Variants in SAMTOR observed in about 807,000 individuals in gnomAD.
SAMTOR encodes the protein S-adenosylmethionine sensor upstream of mTORC1.
the SAMTOR span, among the ~76,000 whole-genome samples, chr7:112,936,818 C>T: frequency 1.5e-4 from 23 of 152,128 alleles, no homozygotes; most frequent in Admixed American, 1.5e-3. Context: ...CTAATCATAC[C>T]TATCCTATGG....
chr7:112,901,813 A>C, the SAMTOR span, among the ~76,000 whole-genome samples: 1 of 152,254 alleles, frequency 6.6e-6, no homozygotes, highest in East Asian at 1.9e-4. Flanking sequence ...ATGCTTATCA[A>C]GTGCTGATGA....
chr7:112,829,331 A>G, the SAMTOR span, among the ~76,000 whole-genome samples: 1 of 152,208 alleles, frequency 6.6e-6, no homozygotes, highest in South Asian at 2.1e-4. Context: ...ATATCTTCCT[A>G]TTTCTACTTA....
chr7:112,842,863 A>G, the SAMTOR span, among the ~76,000 whole-genome samples: 1 of 152,048 alleles, frequency 6.6e-6, no homozygotes, highest in Non-Finnish European at 1.5e-5. Flanking sequence ...TAACTGATAC[A>G]CTTTACTTCC....
the SAMTOR span, among the ~76,000 whole-genome samples, chr7:112,911,284 A>G: frequency 6.6e-6 from 1 of 152,196 alleles, no homozygotes; most frequent in Non-Finnish European, 1.5e-5. Context: ...TATGTCCTGC[A>G]AGAGAGTTGC....
chr7:112,896,231 GTA>G, the SAMTOR span, among the ~76,000 whole-genome samples: 1 of 151,884 alleles, frequency 6.6e-6, no homozygotes, highest in Non-Finnish European at 1.5e-5. Context: ...GTATGTATGT[GTA>G]TATATATGTG....
the SAMTOR span, among the ~76,000 whole-genome samples, chr7:112,823,230 T>A: frequency 6.6e-6 from 1 of 152,198 alleles, no homozygotes; most frequent in Non-Finnish European, 1.5e-5. Flanking sequence ...AAGATGCTTT[T>A]CTTCTTCCCT....
At chr7:112,931,305 CA>C in the SAMTOR span, among the ~76,000 whole-genome samples, 77 of 139,856 alleles carry the variant, frequency 5.5e-4, no homozygotes, top group Admixed American at 5.0e-4. Context: ...ATTTAATTAA[CA>C]AAAAAAAAAA....
At chr7:112,917,993 G>C in the SAMTOR span, among the ~76,000 whole-genome samples, 1 of 152,190 alleles carries the variant, frequency 6.6e-6, no homozygotes, top group African/African-American at 2.4e-5. Flanking sequence ...GAAAGTGATG[G>C]GGAGAATGGA....
the SAMTOR span, among the ~76,000 whole-genome samples, chr7:112,927,958 A>G: frequency 6.6e-6 from 1 of 152,054 alleles, no homozygotes; most frequent in East Asian, 1.9e-4. Context: ...AGATAATACC[A>G]TAACTATTGC....
chr7:112,895,199 TTACATTG>T, the SAMTOR span, among the ~76,000 whole-genome samples: 1 of 151,408 alleles, frequency 6.6e-6, no homozygotes, highest in Admixed American at 6.6e-5. Flanking sequence ...TAATTACATA[TTACATTG>T]TACATTATAA....
At chr7:112,939,474 G>A in the SAMTOR span, 6 of 1,478,604 alleles carry the variant, frequency 4.1e-6, no homozygotes, top group Non-Finnish European at 5.5e-6. Flanking sequence ...GCAGCGGCTG[G>A]GGGGACGTGC....
the SAMTOR span, among the ~76,000 whole-genome samples, chr7:112,826,174 G>T: frequency 2.6e-5 from 4 of 152,100 alleles, no homozygotes; most frequent in Non-Finnish European, 1.5e-5. Context: ...CAGAGTAATG[G>T]CCTCATAGAA....
chr7:112,908,615 A>C, the SAMTOR span, among the ~76,000 whole-genome samples: 3 of 152,238 alleles, frequency 2.0e-5, no homozygotes, highest in East Asian at 5.8e-4. Flanking sequence ...AAAGGTACAG[A>C]GTATATAACA....
the SAMTOR span, among the ~76,000 whole-genome samples, chr7:112,910,543 C>T: frequency 2.6e-5 from 4 of 152,086 alleles, no homozygotes; most frequent in South Asian, 2.1e-4. Context: ...TATCACTGTA[C>T]ATATTACTTA....
the SAMTOR span, among the ~76,000 whole-genome samples, chr7:112,835,467 C>T: frequency 0.35 from 53,858 of 151,950 alleles, 11,340 homozygotes; most frequent in African/African-American, 0.59. Context: ...AGATACTACC[C>T]TTAATAAAGT....
the SAMTOR span, among the ~76,000 whole-genome samples, chr7:112,923,518 TA>T: frequency 1.0e-4 from 15 of 150,680 alleles, no homozygotes; most frequent in Middle Eastern, 3.2e-3. Flanking sequence ...AAACAAAAAA[TA>T]AAAAAAAATT....
the SAMTOR span, among the ~76,000 whole-genome samples, chr7:112,876,452 T>C: frequency 6.6e-6 from 1 of 152,152 alleles, no homozygotes; most frequent in African/African-American, 2.4e-5. Context: ...CCCCATAATA[T>C]GTTCTCTACC....
chr7:112,870,657 C>A, the SAMTOR span, among the ~76,000 whole-genome samples: 1 of 151,554 alleles, frequency 6.6e-6, no homozygotes, highest in East Asian at 1.9e-4. Context: ...ACTAATAACA[C>A]TATGAAAGAA....
At chr7:112,929,330 A>G in the SAMTOR span, among the ~76,000 whole-genome samples, 1 of 151,972 alleles carries the variant, frequency 6.6e-6, no homozygotes, top group Non-Finnish European at 1.5e-5. Flanking sequence ...CAATGGGTAT[A>G]TAGAAGGGTG....
Sources: allele counts gnomAD v4.1 joint callset (sites outside exome capture counted in the v4.1 genomes callset), GRCh38; gene constraint gnomAD v4.1.1; transcripts MANE v1.5; gene names NCBI Gene and HGNC (gene_info 2026-07-23, HGNC 2026-07-21).